SRPRB: variants seen among roughly 807,000 people sequenced by gnomAD.
SRPRB encodes the protein signal recognition particle receptor subunit beta.
In SRPRB, 20 loss-of-function variants were observed where a neutral mutation model predicts 31.9. That is an observed-to-expected ratio of 0.63 (90% CI 0.44 to 0.91). The LOEUF (loss-of-function observed/expected upper bound fraction) is 0.91. Ranked by LOEUF, SRPRB falls within the 40% of genes least tolerant of loss-of-function variation. The pLI, the probability that SRPRB is intolerant of heterozygous loss-of-function variation, is 0.00. For synonymous variants in SRPRB, 146 were observed against 132.8 expected, an observed-to-expected ratio of 1.10 and a Z score of -0.68; for missense variants, 321 against 324.9, an observed-to-expected ratio of 0.99 and a Z score of 0.09.
At chr3:133,824,875 A>G (rs577237915), downstream of SRPRB, 12 of 152,274 alleles carry the variant, frequency 7.9e-5, no homozygotes, top group East Asian at 1.9e-3. Context: ...CAGGGCAGCA[A>G]TGGATGAAAA....
At chr3:133,825,715 G>C (rs764049703), downstream of SRPRB, 1 of 152,184 alleles carries the variant, frequency 6.6e-6, no homozygotes, top group Admixed American at 6.5e-5. Context: ...TGCAGAACAG[G>C]AGCTTTGTTG....
At chr3:133,805,100 G>T (rs1056473321), upstream of SRPRB, among the ~76,000 whole-genome samples, 5 of 152,130 alleles carry the variant, frequency 3.3e-5, no homozygotes, top group Non-Finnish European at 7.3e-5. Flanking sequence ...GGCTGAATAG[G>T]GTCGGCCCTA....
chr3:133,811,333 C>A, intron 4 of SRPRB, 134 bp downstream of exon 4: 1 of 754,272 alleles, frequency 1.3e-6, no homozygotes, highest in Non-Finnish European at 2.1e-6. Flanking sequence ...ACCTTGGGGT[C>A]AGCCAGTTCT....
chr3:133,791,424 G>C (rs545942127), intron 1 of SRPRB: 24 of 152,214 alleles, frequency 1.6e-4, no homozygotes, highest in African/African-American at 5.5e-4. Flanking sequence ...CCAGAAACCT[G>C]GCATACTGGC....
At position 133,820,030 on chromosome 3, in the gene SRPRB, G is replaced by A. The variant is rs1935443595; in HGVS notation, c.*264G>A. The stretch of plus-strand genomic sequence containing the variant: ...TTTGTTAAGGTGTAACTTGATGTAG[G>A]GTCAAGGTTTTTGTGACAACAGGCA... On this transcript the variant is annotated 3_prime_UTR_variant, in exon 7 of 7. Coordinates refer to ENST00000678299, the MANE Select transcript of SRPRB (RefSeq NM_001379313.1). 9.7e-6 allele frequency: 4 copies of A among 413,044 alleles called. No individual in the cohort carries two copies. The South Asian group carries it at 1.2e-4, about 12-fold the overall frequency. 25.6% of individuals were successfully genotyped at this position (413,044 alleles called of 1,614,324 possible). A position where few individuals can be genotyped will look rare whatever the true frequency, so the allele number is the denominator to read the frequency against.
downstream of SRPRB, among the ~76,000 whole-genome samples, chr3:133,823,945 C>A (rs1482132368): frequency 6.6e-6 from 1 of 152,154 alleles, no homozygotes; most frequent in Non-Finnish European, 1.5e-5. Context: ...TATATCGTAC[C>A]CCTGACTCAG....
chr3:133,813,559 C>T (rs954668559), intron 4 of SRPRB, among the ~76,000 whole-genome samples: 1 of 152,066 alleles, frequency 6.6e-6, no homozygotes, highest in African/African-American at 2.4e-5. Flanking sequence ...CTTTTCAAAC[C>T]AGCCTGTTTC....
rs373912107 is a variant in SRPRB at position 133,817,166 on chromosome 3, CTTAAT to C, written c.602+238_602+242del. Among the ~76,000 whole-genome samples the C allele has an allele frequency of 3.4e-3, 511 of 152,228 alleles. 1 individual carries two copies. Among genetic ancestry groups the C allele is most frequent in the Middle Eastern group, 0.017 (5 of 294 alleles). On this transcript the variant is annotated intron_variant, in intron 6 of 6. Coordinates refer to ENST00000678299, the MANE Select transcript of SRPRB (RefSeq NM_001379313.1). ...AAGAAGATTTTTTTGAAACCATAAACTTAATTTATTTTACCATTGTTACTAAATCA... is the reference window on the plus strand; with the variant it reads ...AAGAAGATTTTTTTGAAACCATAAACTTATTTTACCATTGTTACTAAATCA...
intron 1 of SRPRB, chr3:133,789,720 A>G (rs1934780049): frequency 2.0e-5 from 3 of 152,188 alleles, no homozygotes; most frequent in African/African-American, 7.2e-5. Context: ...TAGTTTTAAA[A>G]TTATTGGTGA....
intron 5 of SRPRB, among the ~76,000 whole-genome samples, 198 bp from the exon 6 acceptor site, chr3:133,816,680 A>G (rs1559892984): frequency 6.6e-6 from 1 of 152,246 alleles, no homozygotes; most frequent in South Asian, 2.1e-4. Flanking sequence ...TAATATGTTT[A>G]TAAGCATTAT....
intron 1 of SRPRB, chr3:133,787,668 G>A (rs1264611315): frequency 6.6e-6 from 1 of 152,050 alleles, no homozygotes; most frequent in African/African-American, 2.4e-5. Flanking sequence ...AAGGTGAGAG[G>A]GAAGAAATTA....
At chr3:133,812,533 A>T (rs1935295814) in intron 4 of SRPRB, among the ~76,000 whole-genome samples, 1 of 152,268 alleles carries the variant, frequency 6.6e-6, no homozygotes, top group African/African-American at 2.4e-5. Context: ...AATAAATTAT[A>T]ATCATGATAA....
At position 133,812,694 on chromosome 3, in the gene SRPRB, C is replaced by T. The variant is rs79830202; in HGVS notation, c.410+1495C>T. Among the ~76,000 whole-genome samples, 830 of 152,298 alleles carry T rather than the reference C, an allele frequency of 5.4e-3. 6 individuals are homozygous for T. The highest frequency in any genetic ancestry group is 0.018 in the African/African-American group (756 of 41,560). ...TCTTATCATGGTTCCCCTCCCCCAT[C>T]TTTTAAACATTGCCTATTTGATTGT... On this transcript the variant is annotated intron_variant, in intron 4 of 6. Transcript: ENST00000678299.
downstream of SRPRB, among the ~76,000 whole-genome samples, chr3:133,822,278 C>T (rs1293797280): frequency 6.6e-6 from 1 of 151,664 alleles, no homozygotes; most frequent in Non-Finnish European, 1.5e-5. Flanking sequence ...CTGCCTAATG[C>T]AAATGACCCT....
downstream of SRPRB, among the ~76,000 whole-genome samples, chr3:133,823,710 C>G (rs145638964): frequency 7.4e-4 from 113 of 152,274 alleles, no homozygotes; most frequent in African/African-American, 2.4e-3. Flanking sequence ...CTGGAGATAA[C>G]TGAGACCTGG....
chr3:133,786,222 T>TTTAAAA (rs59954827), intron 1 of SRPRB: 3 of 84,352 alleles, frequency 3.6e-5, no homozygotes, highest in Non-Finnish European at 4.8e-5. Flanking sequence ...AAAAATAAAT[T>TTTAAAA]AAAAAAAAAA....
chr3:133,814,811 A>T (rs1432445067), intron 4 of SRPRB, among the ~76,000 whole-genome samples: 1 of 152,162 alleles, frequency 6.6e-6, no homozygotes, highest in East Asian at 1.9e-4. Flanking sequence ...TTTCTGTCAC[A>T]TGAGGAGTCC....
chr3:133,823,912 C>G (rs1349019205), downstream of SRPRB, among the ~76,000 whole-genome samples: 2 of 152,290 alleles, frequency 1.3e-5, no homozygotes, highest in African/African-American at 4.8e-5. Context: ...CTAGCCATGG[C>G]AAGCAGAGTG....
downstream of SRPRB, chr3:133,827,611 CAA>C (rs1196466639): frequency 2.3e-6 from 1 of 440,604 alleles, no homozygotes; most frequent in African/African-American, 2.0e-5. Flanking sequence ...GATATGTCCA[CAA>C]AGACTTCAAC....
Sources: gnomAD v4.1 joint callset for allele counts (sites outside exome capture counted in the v4.1 genomes callset) on GRCh38, gnomAD v4.1.1 for gene constraint, MANE v1.5 for transcripts, NCBI Gene and HGNC (gene_info 2026-07-23, HGNC 2026-07-21) for gene names.